SPTB: variants seen among roughly 807,000 people sequenced by gnomAD.
The protein encoded by SPTB is spectrin beta, erythrocytic.
In SPTB, 45 loss-of-function variants were observed where a neutral mutation model predicts 256.2. The ratio of observed to expected loss-of-function variants is 0.18; its 90% confidence interval spans 0.14 to 0.23. The LOEUF (loss-of-function observed/expected upper bound fraction) is 0.23, where lower values mean the gene tolerates loss of function less well. Ranked by LOEUF, SPTB falls within the 10% of genes least tolerant of loss-of-function variation. SPTB has a pLI of 1.00. For synonymous variants in SPTB, 1,231 were observed against 1,243.1 expected (o/e 0.99, Z 0.21); for missense variants, 2,715 against 3,040.4 (o/e 0.89, Z 2.52).
Position 64,784,301 on chromosome 14 carries a change from C to G in SPTB, c.3948G>C (p.Gln1316His), listed in dbSNP as rs2082524232. ...GGGAAGCCAGCTCTGCCACAAACGCCTGGTGCTTTAGCCATTTATTGTGAA... is the reference window on the plus strand; with the variant it reads ...GGGAAGCCAGCTCTGCCACAAACGCGTGGTGCTTTAGCCATTTATTGTGAA... ...RNLHNKWLKH[Q>H]AFVAELASHE... The change falls in exon 19 of 36, where the codon CAG (glutamine) becomes CAC (histidine). Residue 1316 changes from glutamine (Q) to histidine (H), a missense_variant. This residue lies in a region of SPTB where 2,239 missense variants were observed against 2,384.4 expected (regional missense o/e 0.94). Transcript: ENST00000644917. 1.9e-6 allele frequency: 3 copies of G among 1,614,240 alleles called. No individual in the cohort carries two copies. The highest frequency in any genetic ancestry group is 2.5e-6 in the Non-Finnish European group (3 of 1,180,042).
chr14:64,809,782 T>G (rs942924946), intron 2 of SPTB, among the ~76,000 whole-genome samples: 4 of 152,144 alleles, frequency 2.6e-5, no homozygotes, highest in Non-Finnish European at 5.9e-5. Context: ...ACACAAAATG[T>G]TTCAGATTAC....
At position 64,796,043 on chromosome 14, in the gene SPTB, G is replaced by A. The variant is rs1451328277; in HGVS notation, c.1342-404C>T. Among the ~76,000 whole-genome samples the A allele has an allele frequency of 6.6e-6, 1 of 152,130 alleles. No individual in the cohort carries two copies. ...TTTATTCACATGCTATCTGGGGTGC[G>A]CATACACTCTCCAGTGCTCTCAGAA... is the stretch of plus-strand genomic sequence containing the variant. On this transcript the variant is annotated intron_variant, in intron 11 of 35. Transcript: ENST00000644917. This position sits in a 1 kb window ranked among gnomAD's most constrained non-coding sequence, Gnocchi z 4.1.
intron 2 of SPTB, among the ~76,000 whole-genome samples, chr14:64,808,306 A>G (rs536519055): frequency 3.3e-5 from 5 of 152,138 alleles, no homozygotes; most frequent in South Asian, 4.2e-4. Context: ...GCCACCGTGC[A>G]TGGCCCTCTC....
chr14:64,797,085 G>A (rs2082784648), intron 10 of SPTB, among the ~76,000 whole-genome samples: 1 of 152,140 alleles, frequency 6.6e-6, no homozygotes, highest in African/African-American at 2.4e-5. Context: ...AAATGTCATA[G>A]GCATTTCCCT....
chr14:64,793,121 G>A lies in SPTB; in HGVS notation c.2542C>T (p.Leu848=). The change falls in exon 14 of 36, where the codon CTG becomes TTG. Residue 848 remains leucine (L), a synonymous_variant. Coordinates refer to ENST00000644917, the MANE Select transcript of SPTB (RefSeq NM_001355436.2). The surrounding 1 kb of genome is among the most constrained non-coding windows in gnomAD (Gnocchi z 7.0). ...TCCCCGAACACCGTGTACAGGTCCA[G>A]GGCTTCCTGCAGCCTCTGCTGACGC... The part of the protein sequence containing the change: ...DLRQQRLQEA[L]DLYTVFGETD... The A allele has an allele frequency of 6.2e-7, 1 of 1,614,130 alleles. No homozygotes were observed. The highest frequency in any genetic ancestry group is 8.5e-7 in the Non-Finnish European group (1 of 1,180,046).
Position 64,793,106 on chromosome 14 carries a change from C to A in SPTB, c.2557G>T (p.Val853Leu), listed in dbSNP as rs1254118286. 1 of 1,614,162 alleles carries A rather than the reference C, an allele frequency of 6.2e-7. No individual in the cohort carries two copies. The highest frequency in any genetic ancestry group is 8.5e-7 in the Non-Finnish European group (1 of 1,180,052). Reference sequence around the variant, plus strand: ...TCACAGGCGTCTGTCTCCCCGAACACCGTGTACAGGTCCAGGGCTTCCTGC... The same window carrying A: ...TCACAGGCGTCTGTCTCCCCGAACAACGTGTACAGGTCCAGGGCTTCCTGC... ...RLQEALDLYT[V>L]FGETDACELW... The change falls in exon 14 of 36, where the codon GTG (valine) becomes TTG (leucine). Residue 853 changes from valine to leucine, a missense_variant. Around this residue, in one of 4 missense-constraint regions of SPTB, gnomAD observed 2,239 missense variants for 2,384.4 expected, o/e 0.94. Transcript: ENST00000644917. The surrounding 1 kb of genome is among the most constrained non-coding windows in gnomAD (Gnocchi z 7.0).
intron 29 of SPTB, 143 bp from the exon 30 acceptor site, chr14:64,768,002 A>G: frequency 1.1e-6 from 1 of 877,976 alleles, no homozygotes; most frequent in East Asian, 2.7e-5. Context: ...TGCTGCCTGC[A>G]GCCACCCCAT....
At chr14:64,842,617 G>GTTC (rs746169300) in intron 1 of SPTB, among the ~76,000 whole-genome samples, 3 of 152,284 alleles carry the variant, frequency 2.0e-5, no homozygotes, top group Non-Finnish European at 4.4e-5. Context: ...CCTTAATAGC[G>GTTC]TGTCAGACAC....
At chr14:64,797,121 T>C (rs4899146) in intron 10 of SPTB, among the ~76,000 whole-genome samples, 24,317 of 152,008 alleles carry the variant, frequency 0.16, 1,966 homozygotes, top group Middle Eastern at 0.19. Context: ...TAATATTCCA[T>C]CTTCAAAGAC....
chr14:64,764,680 G>A lies in SPTB; in HGVS notation c.6345+2046C>T, dbSNP rs1486173605. Among the ~76,000 whole-genome samples the A allele has an allele frequency of 6.6e-6, 1 of 152,200 alleles. No individual in the cohort carries two copies. The highest frequency in any genetic ancestry group is 1.5e-5 in the Non-Finnish European group (1 of 68,032). ...GGATGGAGTCGCTCTGGTGCTCACA[G>A]AGGAGCCCGCACACCAGGACACCGC... On this transcript the variant is annotated intron_variant, in intron 32 of 35. Transcript: ENST00000644917. The surrounding 1 kb of genome is among the most constrained non-coding windows in gnomAD (Gnocchi z 4.2).
At chr14:64,864,757 A>G (rs904855592) in intron 1 of SPTB, among the ~76,000 whole-genome samples, 3 of 152,128 alleles carry the variant, frequency 2.0e-5, no homozygotes, top group Non-Finnish European at 2.9e-5. Flanking sequence ...AATTATTTTT[A>G]CCCTGGGTAA....
chr14:64,844,721 C>T lies in SPTB; in HGVS notation c.-51-21576G>A, dbSNP rs1197127152. On this transcript the variant is annotated intron_variant, in intron 1 of 35. Coordinates refer to ENST00000644917, the MANE Select transcript of SPTB (RefSeq NM_001355436.2). This position sits in a 1 kb window ranked among gnomAD's most constrained non-coding sequence, Gnocchi z 4.1. ...GGCTATGACTTCCCAAAAACACCTA[C>T]TCTTTGCAAGTCAGATTTACTATTC... is the stretch of plus-strand genomic sequence containing the variant. 6.6e-6 allele frequency among the ~76,000 whole-genome samples: 1 copy of T among 152,238 alleles called. No homozygotes were observed. The highest frequency in any genetic ancestry group is 1.9e-4 in the East Asian group (1 of 5,204).
rs2082768129 is a variant in SPTB, at chr14:64,796,321, A to C, written c.1341+236T>G. Among the ~76,000 whole-genome samples the C allele has an allele frequency of 6.6e-6, 1 of 152,162 alleles. No homozygotes were observed. The highest frequency in any genetic ancestry group is 2.1e-4 in the South Asian group (1 of 4,824). On this transcript the variant is annotated intron_variant, in intron 11 of 35. Coordinates refer to ENST00000644917, the MANE Select transcript of SPTB (RefSeq NM_001355436.2). This position sits in a 1 kb window ranked among gnomAD's most constrained non-coding sequence, Gnocchi z 4.1. The stretch of plus-strand genomic sequence containing the variant: ...TGTAGTTGACACTACAGGCCCACAT[A>C]AGACAACTTCAGCGGCCAGTTCTAG...
intron 20 of SPTB, among the ~76,000 whole-genome samples, chr14:64,780,594 GTAGAGACAA>G (rs1172827716): frequency 1.1e-4 from 17 of 151,962 alleles, no homozygotes; most frequent in African/African-American, 4.1e-4. Context: ...TGTATTTTTA[GTAGAGACAA>G]GGTTTCTCCA....
intron 9 of SPTB, among the ~76,000 whole-genome samples, chr14:64,798,236 C>A (rs1162492401): frequency 6.6e-6 from 1 of 152,210 alleles, no homozygotes; most frequent in East Asian, 1.9e-4. Context: ...CTTACTAGCT[C>A]TCTGGTCAGT....
intron 9 of SPTB, among the ~76,000 whole-genome samples, chr14:64,799,015 TTGTA>T (rs2082830342): frequency 6.6e-6 from 1 of 152,182 alleles, no homozygotes; most frequent in South Asian, 2.1e-4. Flanking sequence ...GTACATGTGG[TTGTA>T]TGTGCATATA....
At position 64,785,590 on chromosome 14, in the gene SPTB, C is replaced by G. The variant is rs765221153; in HGVS notation, c.3802G>C (p.Val1268Leu). The part of the protein sequence containing the change: ...KNNEKAQEAS[V>L]LLRDNLELQN... Reference sequence around the variant, plus strand: ...AGCTCCAGGTTGTCTCTCAGTAGGACAGAGGCCTCCTGGGCCTTCTCGTTG... The same window carrying G: ...AGCTCCAGGTTGTCTCTCAGTAGGAGAGAGGCCTCCTGGGCCTTCTCGTTG... The change falls in exon 18 of 36, where the codon GTC becomes CTC. Residue 1268 changes from valine (V) to leucine (L), a missense_variant. Transcript: ENST00000644917. The surrounding 1 kb of genome is among the most constrained non-coding windows in gnomAD (Gnocchi z 4.4). 2.5e-6 allele frequency: 4 copies of G among 1,614,136 alleles called. No homozygotes were observed. The Middle Eastern group carries it at 4.9e-4, about 200-fold the overall frequency.
At chr14:64,877,902 C>T (rs1882901675) in intron 1 of SPTB, among the ~76,000 whole-genome samples, 1 of 152,204 alleles carries the variant, frequency 6.6e-6, no homozygotes, top group Non-Finnish European at 1.5e-5. Context: ...TGCTATAGGA[C>T]ACCTTCAGAA....
intron 2 of SPTB, among the ~76,000 whole-genome samples, chr14:64,810,544 G>A (rs1340052617): frequency 6.6e-6 from 1 of 152,112 alleles, no homozygotes; most frequent in Non-Finnish European, 1.5e-5. Context: ...GCCGGGCATG[G>A]TGTTGCGCGC....
Sources: gnomAD v4.1 joint callset for allele counts (sites outside exome capture counted in the v4.1 genomes callset) on GRCh38, gnomAD v4.1.1 for gene constraint, gnomAD v4.1.1 regional missense constraint, Gnocchi (gnomAD v3.1) non-coding constraint, MANE v1.5 for transcripts, NCBI Gene and HGNC (gene_info 2026-07-23, HGNC 2026-07-21) for gene names.